Variants in SYNRG observed in about 807,000 individuals in gnomAD.
SYNRG encodes AP1 gamma subunit binding protein 1.
In SYNRG, 37 loss-of-function variants were observed where a neutral mutation model predicts 130.9. That is an observed-to-expected ratio of 0.28 (90% CI 0.22 to 0.37). The LOEUF is 0.37. Among genes scored for constraint, SYNRG ranks in the 10% least tolerant of loss-of-function variants. The pLI is 1.00. For missense variants in SYNRG, 1,338 were observed against 1,588.9 expected (o/e 0.84, Z 2.68); for synonymous variants, 539 against 568.1 (o/e 0.95, Z 0.73).
At chr17:37,520,791 A>C in intron 19 of SYNRG, 143 bp from the exon 20 acceptor site, 5 of 672,750 alleles carry the variant, frequency 7.4e-6, no homozygotes, top group East Asian at 2.8e-5. Context: ...CCTCCCACAC[A>C]TCCACTGGGA....
intron 14 of SYNRG, among the ~76,000 whole-genome samples, chr17:37,550,909 G>C (rs1377107537): frequency 6.6e-6 from 1 of 152,188 alleles, no homozygotes; most frequent in Non-Finnish European, 1.5e-5. Context: ...TTAGTCAGGG[G>C]GAAAAAACAG....
Position 37,542,566 on chromosome 17 carries a change from C to T in SYNRG, c.2609-1G>A. The stretch of plus-strand genomic sequence containing the variant: ...GCAGCATATTTTAAGTCCTCTATAT[C>T]TGAAAGGGAAATAAGACCCCACAAT... On this transcript the variant is annotated splice_acceptor_variant, in intron 14 of 21. Coordinates refer to ENST00000612223, the MANE Select transcript of SYNRG (RefSeq NM_007247.6). LOFTEE classifies it high-confidence loss of function. 6.2e-7 allele frequency: 1 copy of T among 1,604,926 alleles called. No homozygotes were observed.
At chr17:37,534,634 AT>A (rs531895497) in intron 19 of SYNRG, among the ~76,000 whole-genome samples, 46 of 148,862 alleles carry the variant, frequency 3.1e-4, no homozygotes, top group Non-Finnish European at 4.6e-4. Context: ...CCAGAACAGT[AT>A]TTTTTTTTTT....
chr17:37,533,796 C>T (rs1263377861), intron 19 of SYNRG, among the ~76,000 whole-genome samples: 6 of 151,064 alleles, frequency 4.0e-5, no homozygotes, highest in African/African-American at 7.3e-5. Context: ...AGGCTGGTTT[C>T]GAACTCCCGA....
chr17:37,539,298 A>G (rs2057507023), intron 16 of SYNRG, 53 bp from the exon 17 acceptor site: 1 of 1,574,964 alleles, frequency 6.3e-7, no homozygotes, highest in East Asian at 2.2e-5. Flanking sequence ...GGAATCTTCT[A>G]TTGATGACTC....
intron 14 of SYNRG, among the ~76,000 whole-genome samples, chr17:37,549,131 C>CAAAA (rs902288633): frequency 7.6e-5 from 4 of 52,460 alleles, no homozygotes; most frequent in Non-Finnish European, 8.2e-5. Context: ...AACCTGGTCT[C>CAAAA]AAAAAAAAAA....
At chr17:37,552,900 T>C (rs1012821580) in intron 14 of SYNRG, among the ~76,000 whole-genome samples, 2 of 152,192 alleles carry the variant, frequency 1.3e-5, no homozygotes, top group Non-Finnish European at 2.9e-5. Context: ...ATATCTTAGC[T>C]ACCCAATCTA....
chr17:37,561,642 C>T, intron 11 of SYNRG, 53 bp from the exon 12 acceptor site: 1 of 1,323,350 alleles, frequency 7.6e-7, no homozygotes, highest in Non-Finnish European at 1.1e-6. Flanking sequence ...CCTTTATCAT[C>T]TAAAAGGAAG....
chr17:37,539,360 T>C (rs918226355), intron 16 of SYNRG, 115 bp from the exon 17 acceptor site: 5 of 1,083,780 alleles, frequency 4.6e-6, no homozygotes, highest in Admixed American at 2.4e-5. Context: ...ATCACTCTAG[T>C]TCAAGCAGTT....
In SYNRG at chr17:37,553,549, G is replaced by C; in HGVS notation, c.2174C>G (p.Thr725Ser). 1 of 1,614,172 alleles carries C rather than the reference G, an allele frequency of 6.2e-7. No homozygotes were observed. Among genetic ancestry groups the C allele is most frequent in the South Asian group, 1.1e-5 (1 of 91,084 alleles). The part of the protein sequence containing the change: ...LKEEASPVPL[T>S]SNVGSTVKGG... ...CTTCACTGTGCTGCCCACGTTGCTGGTTAGAGGAACAGGACTGGCTTCCTC... is the reference window on the plus strand; with the variant it reads ...CTTCACTGTGCTGCCCACGTTGCTGCTTAGAGGAACAGGACTGGCTTCCTC... Residue 725 changes from threonine (T) to serine (S), a missense_variant, in exon 14 of 22, where the codon ACC (threonine) becomes AGC (serine). This residue lies in a region of SYNRG where 1,146 missense variants were observed against 1,342.3 expected (regional missense o/e 0.85). Coordinates refer to ENST00000612223, the MANE Select transcript of SYNRG (RefSeq NM_007247.6).
At position 37,540,391 on chromosome 17, in the gene SYNRG, C is replaced by G. The variant is rs1268950956; in HGVS notation, c.3355G>C (p.Gly1119Arg). 6.2e-7 allele frequency: 1 copy of G among 1,613,612 alleles called. No homozygotes were observed. The highest frequency in any genetic ancestry group is 2.2e-5 in the East Asian group (1 of 44,888). Reference protein sequence around the residue: ...VIRDKYKDLTGEVEENERYAY... With the variant: ...VIRDKYKDLTREVEENERYAY... The stretch of plus-strand genomic sequence containing the variant: ...AGCTCTCCTCTCACCTCCACCTCTC[C>G]CGTCAGGTCTTTGTACTTGTCTCGG... Residue 1119 changes from glycine to arginine, a missense_variant, in exon 16 of 22, where the codon GGA becomes CGA. This residue lies in a region of SYNRG where 1,146 missense variants were observed against 1,342.3 expected (regional missense o/e 0.85). Coordinates refer to ENST00000612223, the MANE Select transcript of SYNRG (RefSeq NM_007247.6).
chr17:37,536,270 A>C, intron 18 of SYNRG, 143 bp from the exon 19 acceptor site: 1 of 1,017,082 alleles, frequency 9.8e-7, no homozygotes, highest in Non-Finnish European at 1.4e-6. Flanking sequence ...TTTGGGACCA[A>C]TCCACTTCTC....
chr17:37,593,593 G>A (rs2062403144), intron 3 of SYNRG, among the ~76,000 whole-genome samples: 1 of 152,068 alleles, frequency 6.6e-6, no homozygotes, highest in Non-Finnish European at 1.5e-5. Flanking sequence ...CTTAAAAAAT[G>A]GTGAGTGGCG....
chr17:37,591,162 T>C (rs1427654077), intron 3 of SYNRG, among the ~76,000 whole-genome samples: 3 of 152,162 alleles, frequency 2.0e-5, no homozygotes, highest in Admixed American at 1.3e-4. Flanking sequence ...AAACAATCAA[T>C]TGTATTTCTA....
chr17:37,522,504 G>A (rs965999166), intron 19 of SYNRG, among the ~76,000 whole-genome samples: 2 of 151,950 alleles, frequency 1.3e-5, no homozygotes, highest in African/African-American at 4.8e-5. Flanking sequence ...GTCTCACTCT[G>A]TTGCCCAGGC....
At chr17:37,561,024 A>C (rs1460641622) in intron 13 of SYNRG, among the ~76,000 whole-genome samples, 171 bp downstream of exon 13, 1 of 152,208 alleles carries the variant, frequency 6.6e-6, no homozygotes, top group Non-Finnish European at 1.5e-5. Flanking sequence ...TTGAGTATCT[A>C]TTATAAACAT....
intron 13 of SYNRG, among the ~76,000 whole-genome samples, chr17:37,557,393 G>A (rs938008524): frequency 4.6e-5 from 7 of 152,110 alleles, no homozygotes; most frequent in Non-Finnish European, 8.8e-5. Context: ...AGATACTAAC[G>A]TACTTTGACG....
At chr17:37,602,228 A>G (rs974687737) in intron 1 of SYNRG, among the ~76,000 whole-genome samples, 2 of 151,832 alleles carry the variant, frequency 1.3e-5, no homozygotes, top group African/African-American at 4.8e-5. Context: ...CCAGCTACTC[A>G]GGAGGCTGTG....
chr17:37,523,175 T>C (rs2055361056), intron 19 of SYNRG, among the ~76,000 whole-genome samples: 1 of 152,208 alleles, frequency 6.6e-6, no homozygotes, highest in African/African-American at 2.4e-5. Context: ...GTCTTGCTTT[T>C]GAGATAGAAT....
Sources: gnomAD v4.1 joint callset for allele counts (sites outside exome capture counted in the v4.1 genomes callset) on GRCh38, gnomAD v4.1.1 for gene constraint, gnomAD v4.1.1 regional missense constraint, MANE v1.5 for transcripts, NCBI Gene and HGNC (gene_info 2026-07-23, HGNC 2026-07-21) for gene names.